Variants in TRPM3 observed in about 807,000 individuals in gnomAD.
TRPM3 encodes the protein transient receptor potential cation channel subfamily M member 3, also known as long transient receptor potential channel 3.
TRPM3 carries 77 observed loss-of-function variants against 181.2 expected under a neutral mutation model. The ratio of observed to expected loss-of-function variants is 0.42; its 90% CI spans 0.35 to 0.51. The LOEUF is 0.51. Among genes scored for constraint, TRPM3 ranks in the 20% least tolerant of loss-of-function variants. The pLI is 0.01. For synonymous variants in TRPM3, 745 were observed against 796.4 expected, an observed-to-expected ratio of 0.94 and a Z score of 1.09; for missense variants, 1,759 against 2,196.7, an observed-to-expected ratio of 0.80 and a Z score of 3.98.
chr9:70,668,865 CA>C (rs2062368305), intron 9 of TRPM3, among the ~76,000 whole-genome samples: 1 of 152,084 alleles, frequency 6.6e-6, no homozygotes, highest in Non-Finnish European at 1.5e-5. Flanking sequence ...GCAGACTAGG[CA>C]GCAACTGATT....
intron 1 of TRPM3, among the ~76,000 whole-genome samples, chr9:71,186,494 T>C (rs772631306): frequency 7.9e-5 from 12 of 152,064 alleles, no homozygotes; most frequent in Non-Finnish European, 1.3e-4. Context: ...ATTCTATGTG[T>C]AGCTTAGCTT....
chr9:70,918,078 C>A (rs1166644725), intron 1 of TRPM3, among the ~76,000 whole-genome samples: 3 of 151,998 alleles, frequency 2.0e-5, no homozygotes, highest in Non-Finnish European at 4.4e-5. Flanking sequence ...TGATATCTAA[C>A]CATTGTAAAT....
At chr9:71,355,309 G>A (rs2132692076) in intron 1 of TRPM3, among the ~76,000 whole-genome samples, 1 of 152,266 alleles carries the variant, frequency 6.6e-6, no homozygotes, top group Non-Finnish European at 1.5e-5. Context: ...CTAACCCAAT[G>A]TCTGGTTTTC....
intron 7 of TRPM3, among the ~76,000 whole-genome samples, chr9:70,771,751 G>T (rs1434768460): frequency 1.3e-5 from 2 of 152,128 alleles, no homozygotes; most frequent in African/African-American, 4.8e-5. Flanking sequence ...CCTCCCCTCA[G>T]TGCTAATCAA....
intron 6 of TRPM3, among the ~76,000 whole-genome samples, chr9:70,798,945 C>G (rs1386288983): frequency 6.6e-6 from 1 of 152,266 alleles, no homozygotes; most frequent in South Asian, 2.1e-4. Context: ...TGGATTACAT[C>G]TGAAAGAGCC....
At chr9:70,851,245 A>G (rs1184490963) in intron 3 of TRPM3, among the ~76,000 whole-genome samples, 1 of 152,228 alleles carries the variant, frequency 6.6e-6, no homozygotes, top group Non-Finnish European at 1.5e-5. Context: ...CACCAGGCAC[A>G]TACATGCTGT....
At chr9:70,875,820 C>A (rs1197973010) in intron 1 of TRPM3, among the ~76,000 whole-genome samples, 1 of 151,814 alleles carries the variant, frequency 6.6e-6, no homozygotes, top group East Asian at 1.9e-4. Context: ...TCAGAAGAAA[C>A]TTATAAGCAG....
chr9:71,161,414 T>C (rs1170986931), intron 1 of TRPM3, among the ~76,000 whole-genome samples: 1 of 152,182 alleles, frequency 6.6e-6, no homozygotes. Flanking sequence ...GGTATGAGTA[T>C]GTGTATTTTC....
chr9:70,559,314 G>T (rs2048488615), intron 22 of TRPM3, among the ~76,000 whole-genome samples: 1 of 152,142 alleles, frequency 6.6e-6, no homozygotes, highest in African/African-American at 2.4e-5. Context: ...ATTTCACTGG[G>T]TGTCTATTTT....
intron 2 of TRPM3, among the ~76,000 whole-genome samples, chr9:70,863,604 T>A (rs1364918780): frequency 1.3e-5 from 2 of 152,182 alleles, no homozygotes; most frequent in African/African-American, 2.4e-5. Context: ...TATCCAATTC[T>A]GAGAATAAAA....
chr9:70,953,536 G>A (rs1437468041), intron 1 of TRPM3, among the ~76,000 whole-genome samples: 1 of 152,130 alleles, frequency 6.6e-6, no homozygotes, highest in Non-Finnish European at 1.5e-5. Flanking sequence ...TAATTTTTGA[G>A]AAACTTGATT....
chr9:70,758,916 C>T (rs2077570870), intron 8 of TRPM3, among the ~76,000 whole-genome samples: 1 of 152,146 alleles, frequency 6.6e-6, no homozygotes. Flanking sequence ...AGGACATAGG[C>T]ATGGGCAAGG....
At chr9:70,936,040 CT>C (rs2096825922) in intron 1 of TRPM3, among the ~76,000 whole-genome samples, 2 of 152,202 alleles carry the variant, frequency 1.3e-5, no homozygotes, top group South Asian at 4.1e-4. Flanking sequence ...CTGGCATTGC[CT>C]TTGCAATGGA....
intron 1 of TRPM3, among the ~76,000 whole-genome samples, chr9:71,004,527 A>G (rs2097652578): frequency 6.6e-6 from 1 of 152,242 alleles, no homozygotes; most frequent in Non-Finnish European, 1.5e-5. Flanking sequence ...CAAATGGGGG[A>G]GGTCTCCTCC....
chr9:70,983,468 T>A (rs1023347098), intron 1 of TRPM3, among the ~76,000 whole-genome samples: 1 of 152,146 alleles, frequency 6.6e-6, no homozygotes, highest in Admixed American at 6.5e-5. Context: ...GTGCCAGCAT[T>A]TTCTCTCTCT....
intron 1 of TRPM3, among the ~76,000 whole-genome samples, chr9:71,299,952 T>C (rs1320984271): frequency 6.6e-6 from 1 of 152,070 alleles, no homozygotes; most frequent in African/African-American, 2.4e-5. Context: ...CATTTAATAG[T>C]GGAGGTCTTT....
At chr9:70,944,351 C>G (rs1042555497) in intron 1 of TRPM3, among the ~76,000 whole-genome samples, 2 of 152,154 alleles carry the variant, frequency 1.3e-5, no homozygotes, top group Non-Finnish European at 1.5e-5. Flanking sequence ...TCTCTTGTAT[C>G]CCATTGTTTT....
intron 1 of TRPM3, among the ~76,000 whole-genome samples, chr9:71,164,742 T>C (rs1395082368): frequency 2.0e-5 from 3 of 152,188 alleles, no homozygotes; most frequent in Non-Finnish European, 4.4e-5. Context: ...TGAGATTACA[T>C]AACCATTATG....
At position 70,816,798 on chromosome 9, in the gene TRPM3, A is replaced by AG. The variant is rs558979946; in HGVS notation, c.973+11048dup. 1.1e-4 allele frequency among the ~76,000 whole-genome samples: 16 copies of AG among 152,338 alleles called. No homozygotes were observed. In the South Asian group the frequency reaches 3.1e-3, roughly 30 times the overall value. On this transcript the variant is annotated intron_variant, in intron 6 of 25. Transcript: ENST00000677713. ...ATATGCGATTATTATTTTGAGGCTAAGGGGATCTGTTTAGGTTTGTTAACT... is the reference window on the plus strand; with the variant it reads ...ATATGCGATTATTATTTTGAGGCTAAGGGGGATCTGTTTAGGTTTGTTAACT...
Sources: gnomAD v4.1 joint callset for allele counts (sites outside exome capture counted in the v4.1 genomes callset) on GRCh38, gnomAD v4.1.1 for gene constraint, MANE v1.5 for transcripts, NCBI Gene and HGNC (gene_info 2026-07-23, HGNC 2026-07-21) for gene names.